Variants in MAP7 observed in about 807,000 individuals in gnomAD.
MAP7 encodes microtubule associated protein 7.
Under a neutral mutation model 94.8 loss-of-function variants are expected in MAP7, and 52 were observed. The observed-to-expected ratio is 0.55, with a 90% CI of 0.44 to 0.69. The LOEUF (loss-of-function observed/expected upper bound fraction) is 0.69, where lower values mean the gene tolerates loss of function less well. MAP7 is among the 30% of genes least tolerant of loss of function. MAP7 has a pLI of 0.00. For missense variants in MAP7, 940 were observed against 964.6 expected, an observed-to-expected ratio of 0.97 and a Z score of 0.34; for synonymous variants, 350 against 357.0, an observed-to-expected ratio of 0.98 and a Z score of 0.22.
At chr6:136,422,584 G>A (rs570904535) in intron 1 of MAP7, among the ~76,000 whole-genome samples, 1 of 152,240 alleles carries the variant, frequency 6.6e-6, no homozygotes, top group East Asian at 1.9e-4. Context: ...GACCTTCTGA[G>A]TCATATTCAC....
Position 136,360,776 on chromosome 6 carries a change from C to A in MAP7, c.1724G>T (p.Arg575Leu). Residue 575 changes from arginine (R) to leucine (L), a missense_variant, in exon 13 of 18, where the codon CGT (arginine) becomes CTT (leucine). Coordinates refer to ENST00000354570, the MANE Select transcript of MAP7 (RefSeq NM_003980.6). Reference sequence around the variant, plus strand: ...CTGCCGGACCCTCTCTGCTTCTTCACGAACGCGAGCTTCTTCTTCTTTCTG... The same window carrying A: ...CTGCCGGACCCTCTCTGCTTCTTCAAGAACGCGAGCTTCTTCTTCTTTCTG... ...QRQKEEEARV[R>L]EEAERVRQER... The A allele has an allele frequency of 6.2e-7, 1 of 1,613,884 alleles. No homozygotes were observed. The highest frequency in any genetic ancestry group is 8.5e-7 in the Non-Finnish European group (1 of 1,180,030).
At chr6:136,462,866 G>A (rs779806606) in intron 1 of MAP7, among the ~76,000 whole-genome samples, 2 of 151,310 alleles carry the variant, frequency 1.3e-5, no homozygotes, top group Non-Finnish European at 2.9e-5. Flanking sequence ...GGAGGCTGAG[G>A]TGGGAGGATT....
intron 7 of MAP7, among the ~76,000 whole-genome samples, chr6:136,373,953 T>C (rs1484132635): frequency 1.3e-5 from 2 of 152,240 alleles, no homozygotes; most frequent in Non-Finnish European, 2.9e-5. Flanking sequence ...ATCTTCTGGC[T>C]ATCACTGCAT....
At chr6:136,436,908 A>G (rs1796518366) in intron 1 of MAP7, among the ~76,000 whole-genome samples, 1 of 152,232 alleles carries the variant, frequency 6.6e-6, no homozygotes, top group African/African-American at 2.4e-5. Context: ...ATACATGAAC[A>G]CTGGCCTGCA....
intron 1 of MAP7, among the ~76,000 whole-genome samples, chr6:136,539,229 GACGATATT>G: frequency 6.6e-6 from 1 of 152,230 alleles, no homozygotes; most frequent in East Asian, 1.9e-4. Context: ...TAATCCCTGT[GACGATATT>G]ACCAATACCC....
rs185900383 is a variant in MAP7 at position 136,549,991 on chromosome 6, C to T, written c.67+351G>A. On this transcript the variant is annotated intron_variant, in intron 1 of 17. Transcript: ENST00000354570. The stretch of plus-strand genomic sequence containing the variant: ...TGGTTTGGTCTGGGGGATACGATTT[C>T]CCATTCAACTGAATTAGACCCGAGG... 7.7e-3 allele frequency among the ~76,000 whole-genome samples: 1,170 copies of T among 152,298 alleles called. 23 individuals carry two copies. The highest frequency in any genetic ancestry group is 0.026 in the African/African-American group (1,095 of 41,588).
intron 17 of MAP7, among the ~76,000 whole-genome samples, chr6:136,345,647 C>G (rs1471222980): frequency 6.6e-6 from 1 of 152,196 alleles, no homozygotes; most frequent in Non-Finnish European, 1.5e-5. Flanking sequence ...TCTGCACTGA[C>G]TGAGAGAATA....
At chr6:136,504,492 G>A (rs954080211) in intron 1 of MAP7, among the ~76,000 whole-genome samples, 3 of 151,894 alleles carry the variant, frequency 2.0e-5, no homozygotes, top group Admixed American at 1.3e-4. Context: ...GGGACTACAG[G>A]TGGGTGCCAC....
At chr6:136,516,153 G>A (rs1284052645) in intron 1 of MAP7, among the ~76,000 whole-genome samples, 3 of 148,920 alleles carry the variant, frequency 2.0e-5, no homozygotes, top group African/African-American at 5.2e-5. Flanking sequence ...GACATCCTTA[G>A]GGAAATGACA....
intron 1 of MAP7, among the ~76,000 whole-genome samples, chr6:136,548,743 A>G (rs1409387963): frequency 6.6e-6 from 1 of 152,224 alleles, no homozygotes; most frequent in Non-Finnish European, 1.5e-5. Flanking sequence ...TGCAGATTCT[A>G]GAAAGTTTAT....
At chr6:136,509,129 C>T (rs1312879018) in intron 1 of MAP7, among the ~76,000 whole-genome samples, 1 of 152,172 alleles carries the variant, frequency 6.6e-6, no homozygotes, top group Non-Finnish European at 1.5e-5. Context: ...GGGGCTGGAG[C>T]ATTCAATTTG....
chr6:136,362,631 G>C lies in MAP7; in HGVS notation c.1345C>G (p.Pro449Ala). Residue 449 changes from proline (P) to alanine (A), a missense_variant, in exon 11 of 18, where the codon CCC becomes GCC. By Grantham distance (27) the Pro-to-Ala change is conservative (BLOSUM62 -1). Coordinates refer to ENST00000354570, the MANE Select transcript of MAP7 (RefSeq NM_003980.6). ...GGGGCTGAGACCATGGCTGGGGTGG[G>C]GACCGGGGCTGGAGCTGGGGCCGAG... ...PASAPAPAPVPTPAMVSAPSS... is the reference protein window; with the variant it reads ...PASAPAPAPVATPAMVSAPSS... 1 of 1,612,526 alleles carries C rather than the reference G, an allele frequency of 6.2e-7. No homozygotes were observed. The highest frequency in any genetic ancestry group is 8.5e-7 in the Non-Finnish European group (1 of 1,179,310).
At chr6:136,478,780 A>C (rs1346969837) in intron 1 of MAP7, among the ~76,000 whole-genome samples, 1 of 152,022 alleles carries the variant, frequency 6.6e-6, no homozygotes, top group Non-Finnish European at 1.5e-5. Flanking sequence ...AATAACAAGT[A>C]ATGAGATCAA....
At chr6:136,424,052 C>G (rs1350318177) in intron 1 of MAP7, among the ~76,000 whole-genome samples, 1 of 151,884 alleles carries the variant, frequency 6.6e-6, no homozygotes, top group African/African-American at 2.4e-5. Context: ...CCTGCCTCGG[C>G]CTCCCAAAGT....
At chr6:136,448,085 A>G (rs1025936215) in intron 1 of MAP7, among the ~76,000 whole-genome samples, 2 of 152,016 alleles carry the variant, frequency 1.3e-5, no homozygotes, top group African/African-American at 4.8e-5. Context: ...CCAGCTATTT[A>G]GGAGGCTGAG....
Position 136,422,404 on chromosome 6 carries a change from A to G in MAP7, c.68-605T>C, listed in dbSNP as rs578001822. Among the ~76,000 whole-genome samples, 8 of 152,200 alleles carry G rather than the reference A, an allele frequency of 5.3e-5. No homozygotes were observed. In the East Asian group the frequency reaches 1.4e-3, roughly 26 times the overall value. On this transcript the variant is annotated intron_variant, in intron 1 of 17. Coordinates refer to ENST00000354570, the MANE Select transcript of MAP7 (RefSeq NM_003980.6). ...CTGGAGGGAGGCTGTAGTTTGCTTT[A>G]TTATGCTGAAATTCAAATTAAAAAA... is the stretch of plus-strand genomic sequence containing the variant.
rs1786976912 is a variant in MAP7, at chr6:136,343,689, C to T, written c.*539G>A. The T allele has an allele frequency of 6.6e-6, 1 of 152,154 alleles. No homozygotes were observed. Among genetic ancestry groups the T allele is most frequent in the Non-Finnish European group, 1.5e-5 (1 of 68,024 alleles). 9.4% of individuals were successfully genotyped at this position (152,154 alleles called of 1,614,324 possible). On this transcript the variant is annotated 3_prime_UTR_variant, in exon 18 of 18. Transcript: ENST00000354570. ...GCTGGGTTTGCAGAATGTCCATGTA[C>T]AAGCTGTATTTATAAGAACCTGGTA...
chr6:136,503,454 C>A (rs914268710), intron 1 of MAP7, among the ~76,000 whole-genome samples: 1 of 152,106 alleles, frequency 6.6e-6, no homozygotes. Flanking sequence ...CTAACCCTGA[C>A]CCGCCATGTC....
intron 1 of MAP7, among the ~76,000 whole-genome samples, chr6:136,432,340 T>C (rs947554323): frequency 2.0e-5 from 3 of 152,182 alleles, no homozygotes; most frequent in African/African-American, 4.8e-5. Flanking sequence ...GCCTAATCTG[T>C]TCCAAAAGTC....
Sources: allele counts gnomAD v4.1 joint callset (sites outside exome capture counted in the v4.1 genomes callset), GRCh38; gene constraint gnomAD v4.1.1; transcripts MANE v1.5; gene names NCBI Gene and HGNC (gene_info 2026-07-23, HGNC 2026-07-21).